Variants in LHX4 observed in about 807,000 individuals in gnomAD.
LHX4 encodes the protein LIM homeobox 4.
Under a neutral mutation model 39.2 loss-of-function variants are expected in LHX4, and 16 were observed. The ratio of observed to expected loss-of-function variants is 0.41; its 90% CI spans 0.28 to 0.62. The LOEUF is 0.62. Among genes scored for constraint, LHX4 ranks in the 20% least tolerant of loss-of-function variants. The pLI is 0.33. For synonymous variants in LHX4, 206 were observed against 198.1 expected (o/e 1.04, Z -0.33); for missense variants, 439 against 511.9 (o/e 0.86, Z 1.37).
chr1:180,269,727 A>G (rs1648521572), intron 3 of LHX4: 3 of 152,224 alleles, frequency 2.0e-5, no homozygotes, highest in Non-Finnish European at 1.5e-5. Context: ...CATTTGCATA[A>G]TTCAAAGTTG....
chr1:180,237,217 G>C (rs549644877), intron 1 of LHX4, among the ~76,000 whole-genome samples: 4 of 152,182 alleles, frequency 2.6e-5, no homozygotes, highest in South Asian at 4.2e-4. Flanking sequence ...TACTCGGCGG[G>C]GGGGGCGGGG....
Position 180,234,043 on chromosome 1 carries a change from T to A in LHX4, c.76+3438T>A, listed in dbSNP as rs1664244162. ...GACTGTCCTTCTTGCAGGACATTTC[T>A]TAAGGGGGTGAGATGGATTCACTGT... On this transcript the variant is annotated intron_variant, in intron 1 of 5. Coordinates refer to ENST00000263726, the MANE Select transcript of LHX4 (RefSeq NM_033343.4). The surrounding 1 kb of genome is among the most constrained non-coding windows in gnomAD (Gnocchi z 4.8). 6.6e-6 allele frequency among the ~76,000 whole-genome samples: 1 copy of A among 150,616 alleles called. No homozygotes were observed. Among genetic ancestry groups the A allele is most frequent in the African/African-American group, 2.4e-5 (1 of 40,918 alleles).
At chr1:180,270,366 A>G (rs1403942711) in intron 3 of LHX4, 1 of 152,288 alleles carries the variant, frequency 6.6e-6, no homozygotes. Flanking sequence ...GAGCAAGCAC[A>G]GAGAGCAGAG....
rs753609677 is a variant in LHX4 at position 180,271,979 on chromosome 1, G to T, written c.751G>T (p.Val251Phe). The T allele has an allele frequency of 4.3e-6, 7 of 1,612,844 alleles. No individual in the cohort carries two copies. In the South Asian group the frequency reaches 4.4e-5, roughly 10 times the overall value. Residue 251 changes from valine (V) to phenylalanine (F), a missense_variant, in exon 5 of 6, where the codon GTT becomes TTT. Physicochemically the swap from Val to Phe is conservative, Grantham distance 50. Transcript: ENST00000263726. The stretch of plus-strand genomic sequence containing the variant: ...GGAGAGCTCTGCAGAGGACTGTGGG[G>T]TTAGTGACAGTGAGCTGAGCTTCCG... ...EKESSAEDCG[V>F]SDSELSFRED...
Position 180,271,475 on chromosome 1 carries a change from G to T in LHX4, c.547G>T (p.Ala183Ser), listed in dbSNP as rs1648654677. 3 of 1,614,078 alleles carry T rather than the reference G, an allele frequency of 1.9e-6. No individual in the cohort carries two copies. The highest frequency in any genetic ancestry group is 2.5e-6 in the Non-Finnish European group (3 of 1,180,044). ...TGCATACAAGAACTCCCCCAAGCCT[G>T]CCCGGCACGTGAGGGAGCAGCTGTC... ...KNAYKNSPKP[A>S]RHVREQLSSE... Residue 183 changes from alanine (A) to serine (S), a missense_variant, in exon 4 of 6, where the codon GCC (alanine) becomes TCC (serine). Physicochemically the swap from Ala to Ser is moderately conservative, Grantham distance 99 (BLOSUM62 1). Coordinates refer to ENST00000263726, the MANE Select transcript of LHX4 (RefSeq NM_033343.4).
In LHX4 at chr1:180,274,745, C is replaced by T. The variant is rs1210655714; in HGVS notation, c.*166C>T. On this transcript the variant is annotated 3_prime_UTR_variant, in exon 6 of 6. Coordinates refer to ENST00000263726, the MANE Select transcript of LHX4 (RefSeq NM_033343.4). ...AGAAGGCTGTGAGACCACACTAGGG[C>T]ATTGTTTCCCTGGGGAAGCAGTGGG... The T allele has an allele frequency of 2.6e-6, 2 of 762,080 alleles. No homozygotes were observed. The highest frequency in any genetic ancestry group is 4.1e-6 in the Non-Finnish European group (2 of 486,268). The allele number at this position is 762,080 out of a possible 1,614,324, so 47.2% of individuals were successfully genotyped here.
At chr1:180,246,745 A>G (rs1349081923) in intron 1 of LHX4, among the ~76,000 whole-genome samples, 1 of 152,216 alleles carries the variant, frequency 6.6e-6, no homozygotes, top group African/African-American at 2.4e-5. Context: ...AAACCCATGT[A>G]TGATTCATGA....
intron 3 of LHX4, chr1:180,270,772 C>CTGAT (rs1278092758): frequency 6.3e-6 from 1 of 158,202 alleles, no homozygotes; most frequent in Non-Finnish European, 1.4e-5. Flanking sequence ...TTCTCTTCAT[C>CTGAT]TGATTTCCTG....
At chr1:180,268,078 A>G (rs1648403102) in intron 3 of LHX4, among the ~76,000 whole-genome samples, 1 of 152,170 alleles carries the variant, frequency 6.6e-6, no homozygotes, top group Non-Finnish European at 1.5e-5. Context: ...TTTGCCTGCA[A>G]TGTACTAATC....
chr1:180,271,442 T>C lies in LHX4; in HGVS notation c.514T>C (p.Leu172=), dbSNP rs750777255. The C allele has an allele frequency of 1.9e-6, 3 of 1,613,930 alleles. No homozygotes were observed. Among genetic ancestry groups the C allele is most frequent in the Non-Finnish European group, 2.5e-6 (3 of 1,180,004 alleles). ...CATCACAGCCAAGCAGCTGGAGACA[T>C]TAAAGAATGCATACAAGAACTCCCC... ...TTITAKQLET[L]KNAYKNSPKP... is the part of the protein sequence containing the mutation. The change falls in exon 4 of 6, where the codon TTA becomes CTA. Residue 172 remains leucine (L), a synonymous_variant. Coordinates refer to ENST00000263726, the MANE Select transcript of LHX4 (RefSeq NM_033343.4).
Position 180,234,873 on chromosome 1 carries a change from C to T in LHX4, c.76+4268C>T, listed in dbSNP as rs1431847251. On this transcript the variant is annotated intron_variant, in intron 1 of 5. Transcript: ENST00000263726. This position sits in a 1 kb window ranked among gnomAD's most constrained non-coding sequence, Gnocchi z 4.8. Reference sequence around the variant, plus strand: ...GGTCTGGGAGCGCGACCCACATGACCTCGCTACGACCGGGGCAGGGCTCCT... The same window carrying T: ...GGTCTGGGAGCGCGACCCACATGACTTCGCTACGACCGGGGCAGGGCTCCT... Among the ~76,000 whole-genome samples, 3 of 152,238 alleles carry T rather than the reference C, an allele frequency of 2.0e-5. No individual in the cohort carries two copies. Among genetic ancestry groups the T allele is most frequent in the Non-Finnish European group, 2.9e-5 (2 of 68,032 alleles).
chr1:180,272,142 C>G, intron 5 of LHX4, 136 bp downstream of exon 5: 1 of 750,572 alleles, frequency 1.3e-6, no homozygotes, highest in Non-Finnish European at 2.1e-6. Flanking sequence ...TTAAGACTTG[C>G]AGTGAAGGGT....
intron 2 of LHX4, among the ~76,000 whole-genome samples, chr1:180,261,741 G>A (rs1648120569): frequency 1.3e-5 from 2 of 152,210 alleles, no homozygotes; most frequent in South Asian, 2.1e-4. Flanking sequence ...GGGTGAGATA[G>A]TAGGTCAGTT....
At chr1:180,267,686 C>A (rs978344751) in intron 3 of LHX4, among the ~76,000 whole-genome samples, 1 of 152,180 alleles carries the variant, frequency 6.6e-6, no homozygotes, top group Non-Finnish European at 1.5e-5. Flanking sequence ...GCAAAAACGG[C>A]TCTTGTTGAC....
Position 180,230,482 on chromosome 1 carries a change from A to T in LHX4, c.-48A>T, listed in dbSNP as rs1273886375. ...AATTTCTGAATCGAGCTAGAGCGAG[A>T]GAGCGAGAGATCTCCGTAGACTGCG... On this transcript the variant is annotated 5_prime_UTR_variant, in exon 1 of 6. Transcript: ENST00000263726. The surrounding 1 kb of genome is among the most constrained non-coding windows in gnomAD (Gnocchi z 5.8). 2.7e-6 allele frequency: 4 copies of T among 1,475,844 alleles called. No individual in the cohort carries two copies. The highest frequency in any genetic ancestry group is 3.8e-6 in the Non-Finnish European group (4 of 1,056,142). 91.4% of individuals were successfully genotyped at this position (1,475,844 alleles called of 1,614,324 possible). A position where few individuals can be genotyped will look rare whatever the true frequency, so the allele number is the denominator to read the frequency against.
chr1:180,245,929 G>A (rs1174267893), intron 1 of LHX4, among the ~76,000 whole-genome samples: 1 of 152,048 alleles, frequency 6.6e-6, no homozygotes, highest in Non-Finnish European at 1.5e-5. Context: ...TCAGTACTTT[G>A]CTGGGCACAG....
intron 2 of LHX4, among the ~76,000 whole-genome samples, chr1:180,249,883 GTGAGTGTGTGTA>G (rs1647543234): frequency 6.6e-6 from 1 of 151,108 alleles, no homozygotes; most frequent in Non-Finnish European, 1.5e-5. Flanking sequence ...GTGTGCGTGT[GTGAGTGTGTGTA>G]TGAGTGTGTG....
chr1:180,276,417 G>C lies in LHX4; in HGVS notation c.*1838G>C, dbSNP rs557214263. 1 of 152,134 alleles carries C rather than the reference G, an allele frequency of 6.6e-6. No homozygotes were observed. Among genetic ancestry groups the C allele is most frequent in the Non-Finnish European group, 1.5e-5 (1 of 68,044 alleles). The allele number at this position is 152,134 out of a possible 1,614,324, so 9.4% of individuals were successfully genotyped here. A position where few individuals can be genotyped will look rare whatever the true frequency, so the allele number is the denominator to read the frequency against. On this transcript the variant is annotated 3_prime_UTR_variant, in exon 6 of 6. Transcript: ENST00000263726. ...CCTCTTCTCTGACCAATTTTATAGC[G>C]TACCCTCGTTTTTTGGTGTGCTGCA...
intron 3 of LHX4, chr1:180,269,686 T>C (rs1355453123): frequency 1.3e-5 from 2 of 152,252 alleles, no homozygotes; most frequent in African/African-American, 2.4e-5. Flanking sequence ...CATTTTTTAA[T>C]ATAAAGATTG....
Sources: gnomAD v4.1 joint callset for allele counts (sites outside exome capture counted in the v4.1 genomes callset) on GRCh38, gnomAD v4.1.1 for gene constraint, Gnocchi (gnomAD v3.1) non-coding constraint, MANE v1.5 for transcripts, NCBI Gene and HGNC (gene_info 2026-07-23, HGNC 2026-07-21) for gene names.